The following ASTN2 variants were observed in gnomAD, a reference collection of about 807,000 sequenced individuals.
The protein encoded by ASTN2 is astrotactin-2.
A neutral mutation model predicts 139.8 loss-of-function variants in ASTN2; 54 were observed. That is an observed-to-expected ratio of 0.39 (90% CI 0.31 to 0.48). The LOEUF (loss-of-function observed/expected upper bound fraction) is 0.48, where lower values mean the gene tolerates loss of function less well. ASTN2 is among the 20% of genes least tolerant of loss of function. The pLI is 0.95. For synonymous variants in ASTN2, 756 were observed against 719.5 expected (o/e 1.05, Z -0.81); for missense variants, 1,565 against 1,725.1 (o/e 0.91, Z 1.64).
At chr9:117,262,235 C>T (rs1234263157) in intron 2 of ASTN2, among the ~76,000 whole-genome samples, 2 of 152,016 alleles carry the variant, frequency 1.3e-5, no homozygotes, top group African/African-American at 4.8e-5. Context: ...ATTACCATCA[C>T]ATGATCAAGA....
rs1828982397 is a variant in ASTN2 at position 117,101,691 on chromosome 9, C to T, written c.1169-5540G>A. 2.6e-5 allele frequency among the ~76,000 whole-genome samples: 4 copies of T among 152,308 alleles called. No individual in the cohort carries two copies. In the South Asian group the frequency reaches 6.2e-4, roughly 24 times the overall value. On this transcript the variant is annotated intron_variant, in intron 4 of 22. Transcript: ENST00000313400. ...GTGGACAAATAAATATTCAGAATCT[C>T]ACTGTTGCTTAATCAAAATTACACA... is the stretch of plus-strand genomic sequence containing the variant.
At chr9:116,865,169 A>C (rs551758585) in intron 10 of ASTN2, among the ~76,000 whole-genome samples, 1 of 152,156 alleles carries the variant, frequency 6.6e-6, no homozygotes, top group African/African-American at 2.4e-5. Flanking sequence ...TGGGAGATGC[A>C]TCTAAAGATG....
intron 10 of ASTN2, among the ~76,000 whole-genome samples, chr9:116,938,459 G>C (rs979332362): frequency 2.6e-5 from 4 of 152,162 alleles, no homozygotes; most frequent in African/African-American, 7.2e-5. Context: ...TCCACAAGGA[G>C]CACTGACATT....
intron 10 of ASTN2, among the ~76,000 whole-genome samples, chr9:116,872,935 C>G (rs1833204375): frequency 6.6e-6 from 1 of 152,088 alleles, no homozygotes; most frequent in Non-Finnish European, 1.5e-5. Flanking sequence ...TCCTGTGTGC[C>G]AGGCCATGGT....
intron 2 of ASTN2, among the ~76,000 whole-genome samples, chr9:117,219,001 A>G (rs1564486477): frequency 6.6e-6 from 1 of 152,128 alleles, no homozygotes; most frequent in Non-Finnish European, 1.5e-5. Context: ...CATTCATGGT[A>G]CCCCCTATAG....
chr9:116,636,645 C>T (rs1024935858), intron 17 of ASTN2, among the ~76,000 whole-genome samples: 5 of 151,806 alleles, frequency 3.3e-5, no homozygotes, highest in African/African-American at 4.8e-5. Context: ...TTGCACACTC[C>T]AGCCTGGGCG....
At chr9:116,684,057 T>C (rs556695911) in intron 16 of ASTN2, among the ~76,000 whole-genome samples, 2 of 152,320 alleles carry the variant, frequency 1.3e-5, no homozygotes, top group Admixed American at 6.5e-5. Flanking sequence ...TGTCACTTTC[T>C]AACAGGCCCA....
At chr9:116,714,360 C>T (rs1828254141) in intron 16 of ASTN2, among the ~76,000 whole-genome samples, 1 of 152,072 alleles carries the variant, frequency 6.6e-6, no homozygotes, top group Non-Finnish European at 1.5e-5. Flanking sequence ...GTAGTCAGGA[C>T]CAGAAAAGGC....
chr9:117,114,498 A>G (rs759974978), intron 4 of ASTN2, among the ~76,000 whole-genome samples: 11 of 152,232 alleles, frequency 7.2e-5, no homozygotes, highest in East Asian at 1.9e-4. Context: ...ATTGTTTTGT[A>G]TATTCAAAAT....
chr9:117,031,300 G>A (rs937244075), intron 6 of ASTN2, among the ~76,000 whole-genome samples: 9 of 152,036 alleles, frequency 5.9e-5, no homozygotes, highest in Non-Finnish European at 8.8e-5. Flanking sequence ...CCCTTACTTC[G>A]TTTTTTACAG....
At chr9:116,428,859 A>T (rs982999857) in intron 22 of ASTN2, among the ~76,000 whole-genome samples, 3 of 152,228 alleles carry the variant, frequency 2.0e-5, no homozygotes, top group African/African-American at 7.2e-5. Context: ...TTATTTTTTA[A>T]ATAAAAAATT....
At chr9:117,227,016 T>A (rs999743001) in intron 2 of ASTN2, among the ~76,000 whole-genome samples, 1 of 152,092 alleles carries the variant, frequency 6.6e-6, no homozygotes. Context: ...CACTAATACA[T>A]GAAAAATAAG....
intron 1 of ASTN2, among the ~76,000 whole-genome samples, chr9:117,319,329 A>G (rs932292079): frequency 1.3e-5 from 2 of 152,218 alleles, no homozygotes; most frequent in Non-Finnish European, 2.9e-5. Flanking sequence ...CCTGGGTTCT[A>G]CCACTTAATA....
chr9:116,707,285 CAAAAAAAA>C (rs766053427), intron 16 of ASTN2, among the ~76,000 whole-genome samples: 759 of 60,620 alleles, frequency 0.013, 12 homozygotes, highest in African/African-American at 0.044. Context: ...GCCCCCTGAC[CAAAAAAAA>C]AAAAAAAAAA....
chr9:116,487,296 T>C, intron 20 of ASTN2, 63 bp downstream of exon 20: 2 of 1,588,356 alleles, frequency 1.3e-6, no homozygotes, highest in Non-Finnish European at 1.7e-6. Context: ...ACTCATGCCA[T>C]TCCTCTTAGG....
In ASTN2 at chr9:116,482,143, G is replaced by A. The variant is rs1301128557; in HGVS notation, c.3497+5216C>T. 2.0e-5 allele frequency among the ~76,000 whole-genome samples: 3 copies of A among 152,104 alleles called. No homozygotes were observed. The East Asian group carries it at 5.8e-4, about 29-fold the overall frequency. ...AGATCGAGACCATCCTGGCTAACAC[G>A]GTGAAACCCTGTCTCTACTGAAAAC... On this transcript the variant is annotated intron_variant, in intron 20 of 22. Transcript: ENST00000313400.
At chr9:117,309,458 G>A (rs1827899103) in intron 1 of ASTN2, among the ~76,000 whole-genome samples, 1 of 152,188 alleles carries the variant, frequency 6.6e-6, no homozygotes. Flanking sequence ...ACTGTTTGCA[G>A]AATGCGCTTT....
At chr9:117,324,169 A>G (rs1039877095) in intron 1 of ASTN2, among the ~76,000 whole-genome samples, 1 of 152,196 alleles carries the variant, frequency 6.6e-6, no homozygotes, top group African/African-American at 2.4e-5. Flanking sequence ...CAGGACACCT[A>G]TGCTGGGAGC....
rs141635960 is a variant in ASTN2 at position 117,397,247 on chromosome 9, T to C, written c.442+17250A>G. On this transcript the variant is annotated intron_variant, in intron 1 of 22. Coordinates refer to ENST00000313400, the MANE Select transcript of ASTN2 (RefSeq NM_001365068.1). Reference sequence around the variant, plus strand: ...CATTTATCCTTTGAGTTACAAACAATCCAATTACACTCTTTATTTAAAAAT... The same window carrying C: ...CATTTATCCTTTGAGTTACAAACAACCCAATTACACTCTTTATTTAAAAAT... Among the ~76,000 whole-genome samples, 159 of 152,190 alleles carry C rather than the reference T, an allele frequency of 1.0e-3. 1 individual carries two copies. The East Asian group carries it at 0.025, about 23-fold the overall frequency.
Sources: gnomAD v4.1 joint callset for allele counts (sites outside exome capture counted in the v4.1 genomes callset) on GRCh38, gnomAD v4.1.1 for gene constraint, MANE v1.5 for transcripts, NCBI Gene and HGNC (gene_info 2026-07-23, HGNC 2026-07-21) for gene names.